The following CPAMD8 variants were observed in gnomAD, a reference collection of about 807,000 sequenced individuals.
CPAMD8 encodes the protein C3 and PZP like alpha-2-macroglobulin domain containing 8, also known as C3 and PZP-like alpha-2-macroglobulin domain-containing protein 8.
In CPAMD8, 146 loss-of-function variants were observed where a neutral mutation model predicts 224.7. The ratio of observed to expected loss-of-function variants is 0.65; its 90% CI spans 0.57 to 0.75. CPAMD8 has a LOEUF of 0.75. Ranked by LOEUF, CPAMD8 falls within the 30% of genes least tolerant of loss-of-function variation. CPAMD8 has a pLI of 0.00. For missense variants in CPAMD8, 2,301 were observed against 2,537.5 expected (o/e 0.91, Z 2.00); for synonymous variants, 966 against 1,044.6 (o/e 0.92, Z 1.45).
chr19:16,943,017 T>C (rs1393330262), intron 22 of CPAMD8, among the ~76,000 whole-genome samples: 1 of 150,078 alleles, frequency 6.7e-6, no homozygotes, highest in Non-Finnish European at 1.5e-5. Flanking sequence ...TTTTCTTTTT[T>C]TTTTTTTTGA....
chr19:16,988,705 C>T (rs2055832094), intron 13 of CPAMD8, among the ~76,000 whole-genome samples: 1 of 152,116 alleles, frequency 6.6e-6, no homozygotes, highest in Admixed American at 6.5e-5. Flanking sequence ...GATAAGGGAT[C>T]CCTGTGTCAG....
intron 13 of CPAMD8, 109 bp from the exon 14 acceptor site, chr19:16,980,795 C>A (rs529644733): frequency 1.2e-6 from 1 of 823,858 alleles, no homozygotes; most frequent in Non-Finnish European, 1.9e-6. Context: ...GCTGAGGGAG[C>A]GGAGTGCCCA....
intron 13 of CPAMD8, among the ~76,000 whole-genome samples, chr19:16,987,927 G>T (rs2055804228): frequency 6.6e-6 from 1 of 152,066 alleles, no homozygotes; most frequent in African/African-American, 2.4e-5. Context: ...GCCTCCCAAA[G>T]TGCCAAGGTT....
chr19:16,963,597 G>A (rs558072390), intron 18 of CPAMD8, among the ~76,000 whole-genome samples: 1 of 152,294 alleles, frequency 6.6e-6, no homozygotes, highest in African/African-American at 2.4e-5. Flanking sequence ...ACTAATGGGA[G>A]ACTTTAACAC....
chr19:16,912,119 CA>C (rs1374198227), intron 29 of CPAMD8, among the ~76,000 whole-genome samples: 5 of 152,112 alleles, frequency 3.3e-5, no homozygotes, highest in Non-Finnish European at 5.9e-5. Flanking sequence ...ATAATTATTT[CA>C]TTATATATTA....
chr19:16,920,533 C>T (rs763181402), intron 27 of CPAMD8, among the ~76,000 whole-genome samples: 1 of 150,990 alleles, frequency 6.6e-6, no homozygotes, highest in Non-Finnish European at 1.5e-5. Context: ...GAGTTTAATC[C>T]CCGGAAGATG....
rs568556683 is a variant in CPAMD8, at chr19:17,003,084, G to A, written c.674-734C>T. Among the ~76,000 whole-genome samples the A allele has an allele frequency of 5.9e-4, 90 of 151,622 alleles. 1 individual carries two copies. The South Asian group carries it at 9.0e-3, about 15-fold the overall frequency. ...CGCCTGGCTAATTTTTGTATTTTTAGTAGAGATGGGGTTTCACCATGTTGG... is the reference window on the plus strand; with the variant it reads ...CGCCTGGCTAATTTTTGTATTTTTAATAGAGATGGGGTTTCACCATGTTGG... On this transcript the variant is annotated intron_variant, in intron 8 of 41. Coordinates refer to ENST00000443236, the MANE Select transcript of CPAMD8 (RefSeq NM_015692.5).
At chr19:16,941,555 C>T (rs2053889704) in intron 22 of CPAMD8, among the ~76,000 whole-genome samples, 2 of 152,192 alleles carry the variant, frequency 1.3e-5, no homozygotes, top group Non-Finnish European at 2.9e-5. Context: ...ACCCAAATCT[C>T]ATGTTGAATT....
At chr19:16,914,336 G>A in intron 29 of CPAMD8, 88 bp downstream of exon 29, 1 of 1,083,472 alleles carries the variant, frequency 9.2e-7, no homozygotes, top group Non-Finnish European at 1.4e-6. Flanking sequence ...CAGGGAGGAA[G>A]AAATCACCCC....
rs3029467 is a variant in CPAMD8, at chr19:16,918,747, CTTTT to C, written c.3629+3154_3629+3157del. On this transcript the variant is annotated intron_variant, in intron 27 of 41. Coordinates refer to ENST00000443236, the MANE Select transcript of CPAMD8 (RefSeq NM_015692.5). ...ACAGGCACGTGCCATCACACCCAGA[CTTTT>C]TTTTTTTTTTTTTTTTCTGAATAGT... 1.3e-3 allele frequency among the ~76,000 whole-genome samples: 166 copies of C among 127,476 alleles called. 1 individual carries two copies. Among genetic ancestry groups the C allele is most frequent in the Middle Eastern group, 8.1e-3 (2 of 246 alleles). The allele number at this position is 127,476 out of a possible 152,430, so 83.6% of individuals were successfully genotyped here.
intron 1 of CPAMD8, 26 bp downstream of exon 1, chr19:17,026,525 C>G: frequency 6.8e-7 from 1 of 1,475,994 alleles, no homozygotes; most frequent in Non-Finnish European, 8.9e-7. Flanking sequence ...GGCGACCGAC[C>G]TCCTCTGTCG....
In CPAMD8 at chr19:16,904,559, G is replaced by A. The variant is rs200367811; in HGVS notation, c.4028-7C>T. On this transcript the variant is annotated splice_polypyrimidine_tract_variant and splice_region_variant and intron_variant, in intron 30 of 41. Transcript: ENST00000443236. ...CTCCAGTGGGTGACCCCATCTGCAAGGAAAGGAGTGGTCAAGAGCTATAAC... is the reference window on the plus strand; with the variant it reads ...CTCCAGTGGGTGACCCCATCTGCAAAGAAAGGAGTGGTCAAGAGCTATAAC... The A allele has an allele frequency of 6.0e-5, 96 of 1,601,058 alleles. No homozygotes were observed. Among genetic ancestry groups the A allele is most frequent in the Non-Finnish European group, 2.1e-5 (24 of 1,168,190 alleles).
chr19:16,901,595 G>A (rs995267374), intron 35 of CPAMD8, among the ~76,000 whole-genome samples: 3 of 152,210 alleles, frequency 2.0e-5, no homozygotes, highest in Non-Finnish European at 4.4e-5. Context: ...AGCCTGGGAA[G>A]CAGCTGGCGA....
intron 13 of CPAMD8, 40 bp from the exon 14 acceptor site, chr19:16,980,726 CA>C: frequency 1.4e-6 from 2 of 1,456,540 alleles, no homozygotes; most frequent in Non-Finnish European, 1.8e-6. Context: ...TGCCTCGCAC[CA>C]ATGTTGCAAC....
intron 21 of CPAMD8, among the ~76,000 whole-genome samples, chr19:16,946,297 C>T (rs2054079824): frequency 6.9e-6 from 1 of 145,478 alleles, no homozygotes; most frequent in Admixed American, 6.9e-5. Context: ...TGATGCATGT[C>T]TACACATGCA....
intron 24 of CPAMD8, among the ~76,000 whole-genome samples, chr19:16,928,670 C>A (rs548769751): frequency 7.9e-5 from 12 of 152,114 alleles, no homozygotes; most frequent in Non-Finnish European, 1.8e-4. Flanking sequence ...CCCCCCAACC[C>A]CCATTTCACT....
chr19:17,008,267 G>T (rs980282857), intron 7 of CPAMD8, among the ~76,000 whole-genome samples: 1 of 152,216 alleles, frequency 6.6e-6, no homozygotes, highest in Non-Finnish European at 1.5e-5. Context: ...ATAGAGAAAC[G>T]TGGGCAGAGG....
intron 19 of CPAMD8, among the ~76,000 whole-genome samples, chr19:16,953,778 A>C (rs1343187075): frequency 2.6e-5 from 4 of 152,148 alleles, no homozygotes; most frequent in Non-Finnish European, 5.9e-5. Flanking sequence ...CCTGAAACTC[A>C]ATAACAAAAA....
At chr19:16,927,168 T>C (rs2053393028) in intron 25 of CPAMD8, among the ~76,000 whole-genome samples, 2 of 151,806 alleles carry the variant, frequency 1.3e-5, no homozygotes, top group Admixed American at 1.3e-4. Flanking sequence ...TTGTCTTGAA[T>C]TGTAGCTCCC....
Sources: allele counts gnomAD v4.1 joint callset (sites outside exome capture counted in the v4.1 genomes callset), GRCh38; gene constraint gnomAD v4.1.1; transcripts MANE v1.5; gene names NCBI Gene and HGNC (gene_info 2026-07-23, HGNC 2026-07-21).